Variants in ITPR3 observed in about 807,000 individuals in gnomAD.
The protein encoded by ITPR3 is inositol 1,4,5-trisphosphate receptor type 3.
In ITPR3, 173 loss-of-function variants were observed where a neutral mutation model predicts 293.2. The observed-to-expected ratio is 0.59, with a 90% confidence interval of 0.52 to 0.67. The LOEUF (loss-of-function observed/expected upper bound fraction) is 0.67. Among genes scored for constraint, ITPR3 ranks in the 30% least tolerant of loss-of-function variants. ITPR3 has a pLI of 0.00. For synonymous variants in ITPR3, 1,295 were observed against 1,444.4 expected (o/e 0.90, Z 2.35); for missense variants, 2,796 against 3,592.1 (o/e 0.78, Z 5.66).
chr6:33,621,478 G>A lies in ITPR3; in HGVS notation c.-125G>A, dbSNP rs1163672590. ...GCCGCCAGCCCGCCCCGGCCGCACC[G>A]AGCGTCGGGATCCGAGGTGGGAGCG... On this transcript the variant is annotated 5_prime_UTR_variant, in exon 1 of 58. Coordinates refer to ENST00000605930, the MANE Select transcript of ITPR3 (RefSeq NM_002224.4). The surrounding 1 kb of genome is among the most constrained non-coding windows in gnomAD (Gnocchi z 7.7). The A allele has an allele frequency of 8.2e-6, 5 of 612,712 alleles. No homozygotes were observed. Among genetic ancestry groups the A allele is most frequent in the Non-Finnish European group, 1.4e-5 (5 of 364,312 alleles). 38.0% of individuals were successfully genotyped at this position (612,712 alleles called of 1,614,324 possible).
intron 2 of ITPR3, among the ~76,000 whole-genome samples, chr6:33,642,491 T>C (rs1763973646): frequency 6.6e-6 from 1 of 151,866 alleles, no homozygotes; most frequent in Admixed American, 6.6e-5. Context: ...TGTCGAGGTG[T>C]GTGTGGGCAG....
chr6:33,686,944 G>A, intron 43 of ITPR3, 65 bp from the exon 44 acceptor site: 1 of 1,272,708 alleles, frequency 7.9e-7, no homozygotes, highest in Non-Finnish European at 1.1e-6. Context: ...GAGGAATGAG[G>A]GAGAAGTTGT....
chr6:33,641,250 T>C (rs991573145), intron 2 of ITPR3, among the ~76,000 whole-genome samples: 1 of 152,140 alleles, frequency 6.6e-6, no homozygotes, highest in Non-Finnish European at 1.5e-5. Flanking sequence ...TGCTTACCTG[T>C]GAGGGCTGAG....
rs781018853 is a variant in ITPR3, at chr6:33,685,807, A to G, written c.5647A>G (p.Asn1883Asp). 1.3e-6 allele frequency: 2 copies of G among 1,575,186 alleles called. No individual in the cohort carries two copies. Among genetic ancestry groups the G allele is most frequent in the Non-Finnish European group, 1.7e-6 (2 of 1,157,882 alleles). ...GCGCTTTCTGCAGCTGCTGTGTGAG[A>G]ACCACAACCGGGACCTGCAGGTGAG... ...ILRFLQLLCE[N>D]HNRDLQNFLR... Residue 1883 changes from asparagine (N) to aspartate (D), a missense_variant, in exon 41 of 58, where the codon AAC (asparagine) becomes GAC (aspartate). By Grantham distance (23) the Asn-to-Asp change is conservative (BLOSUM62 1). Coordinates refer to ENST00000605930, the MANE Select transcript of ITPR3 (RefSeq NM_002224.4).
Position 33,660,213 on chromosome 6 carries a change from G to T in ITPR3, c.711+664G>T, listed in dbSNP as rs191767826. ...TGGAACCAGCAGACGGGGTGTAGAC[G>T]GTCTTGAGGGAGGGCAGATCTGTAG... is the stretch of plus-strand genomic sequence containing the variant. On this transcript the variant is annotated intron_variant, in intron 7 of 57. Coordinates refer to ENST00000605930, the MANE Select transcript of ITPR3 (RefSeq NM_002224.4). Among the ~76,000 whole-genome samples the T allele has an allele frequency of 3.4e-3, 519 of 152,150 alleles. 2 individuals carry two copies. The highest frequency in any genetic ancestry group is 7.8e-3 in the African/African-American group (325 of 41,496).
chr6:33,677,200 A>C (rs946080971), intron 27 of ITPR3, 111 bp downstream of exon 27: 2 of 992,962 alleles, frequency 2.0e-6, no homozygotes, highest in Non-Finnish European at 3.1e-6. Context: ...GGCCCTCACA[A>C]GAGACATCTT....
intron 23 of ITPR3, 94 bp from the exon 24 acceptor site, chr6:33,674,114 G>A: frequency 1.4e-6 from 2 of 1,451,040 alleles, no homozygotes; most frequent in East Asian, 2.3e-5. Context: ...TGTGCAGCCA[G>A]TGCAGGGAAG....
intron 2 of ITPR3, among the ~76,000 whole-genome samples, chr6:33,645,454 G>T (rs894926707): frequency 2.0e-5 from 3 of 152,212 alleles, no homozygotes; most frequent in African/African-American, 7.2e-5. Flanking sequence ...ATTCCATTGG[G>T]CGATAAACTG....
At chr6:33,678,884 A>G in intron 30 of ITPR3, 45 bp downstream of exon 30, 1 of 1,568,586 alleles carries the variant, frequency 6.4e-7, no homozygotes, top group South Asian at 1.2e-5. Flanking sequence ...GGGGTGGGGG[A>G]CCGGAGCAGA....
At position 33,691,772 on chromosome 6, in the gene ITPR3, C is replaced by G; in HGVS notation, c.7331-29C>G. 2 of 1,606,480 alleles carry G rather than the reference C, an allele frequency of 1.2e-6. No homozygotes were observed. The highest frequency in any genetic ancestry group is 1.7e-6 in the Non-Finnish European group (2 of 1,177,016). ...GTGTGGGGTAGGAGGAGCAGGCAGC[C>G]CGGGCCTCAGCACACTCTCCGCTTG... On this transcript the variant is annotated intron_variant, in intron 53 of 57. Transcript: ENST00000605930. This position sits in a 1 kb window ranked among gnomAD's most constrained non-coding sequence, Gnocchi z 4.9.
intron 29 of ITPR3, 37 bp downstream of exon 29, chr6:33,678,580 G>C: frequency 7.7e-6 from 12 of 1,561,700 alleles, no homozygotes; most frequent in Non-Finnish European, 1.0e-5. Context: ...GGACGAGGCG[G>C]GGGATGGGGG....
Position 33,690,092 on chromosome 6 carries a change from G to C in ITPR3, c.6926G>C (p.Arg2309Pro), listed in dbSNP as rs750625409. Residue 2309 changes from arginine to proline, a missense_variant, in exon 51 of 58, where the codon CGG (arginine) becomes CCG (proline). Arg to Pro is a moderately radical substitution (Grantham distance 103, BLOSUM62 -2). Coordinates refer to ENST00000605930, the MANE Select transcript of ITPR3 (RefSeq NM_002224.4). ...SFVGNRGTFI[R>P]GYKAMVMDME... ...GTGGGCAACCGTGGCACCTTCATCC[G>C]GGGCTATAAGGCCATGGTCATGGAC... The C allele has an allele frequency of 6.2e-7, 1 of 1,614,152 alleles. No individual in the cohort carries two copies. Among genetic ancestry groups the C allele is most frequent in the Non-Finnish European group, 8.5e-7 (1 of 1,180,040 alleles).
chr6:33,691,581 G>A lies in ITPR3; in HGVS notation c.7226-34G>A, dbSNP rs1765390657. On this transcript the variant is annotated intron_variant, in intron 52 of 57. Coordinates refer to ENST00000605930, the MANE Select transcript of ITPR3 (RefSeq NM_002224.4). This position sits in a 1 kb window ranked among gnomAD's most constrained non-coding sequence, Gnocchi z 4.9. Reference sequence around the variant, plus strand: ...AGCCAGGGGATAAGGCCAGGCACTGGACCTCCTGATGATCTCATCCATATC... The same window carrying A: ...AGCCAGGGGATAAGGCCAGGCACTGAACCTCCTGATGATCTCATCCATATC... 3 of 1,573,566 alleles carry A rather than the reference G, an allele frequency of 1.9e-6. No individual in the cohort carries two copies. The East Asian group carries it at 6.7e-5, about 35-fold the overall frequency.
Position 33,667,815 on chromosome 6 carries a change from G to A in ITPR3, c.1737G>A (p.Gly579=). Residue 579 remains glycine, a synonymous_variant, in exon 16 of 58, where the codon GGG becomes GGA. Transcript: ENST00000605930. The surrounding 1 kb of genome is among the most constrained non-coding windows in gnomAD (Gnocchi z 4.4). ...AGGAGCACATTGCCAAGCAGTTTGG[G>A]ATGATGCAGTCCCAGATTGGCTACG... ...KNQEHIAKQF[G]MMQSQIGYDI... is the part of the protein sequence containing the mutation. 1.9e-6 allele frequency: 3 copies of A among 1,614,068 alleles called. No homozygotes were observed. The highest frequency in any genetic ancestry group is 2.5e-6 in the Non-Finnish European group (3 of 1,179,990).
intron 2 of ITPR3, among the ~76,000 whole-genome samples, chr6:33,650,249 C>T (rs573735533): frequency 1.8e-3 from 267 of 152,346 alleles, no homozygotes; most frequent in Non-Finnish European, 2.9e-3. Flanking sequence ...AGGAGCACAG[C>T]GCAGTAGAAG....
At chr6:33,686,585 C>A in intron 43 of ITPR3, 66 bp downstream of exon 43, 1 of 1,259,650 alleles carries the variant, frequency 7.9e-7, no homozygotes, top group African/African-American at 1.5e-5. Context: ...GTATGTGTGA[C>A]TTGTGTGTCA....
chr6:33,682,750 C>T lies in ITPR3; in HGVS notation c.4597+106C>T, dbSNP rs1338806590. On this transcript the variant is annotated intron_variant, in intron 34 of 57. Transcript: ENST00000605930. This position sits in a 1 kb window ranked among gnomAD's most constrained non-coding sequence, Gnocchi z 5.4. ...ACTTTATCCCTAAGCTCGCCCATCT[C>T]CTGCTCCCAGGTGGTTGTCAGTAAG... 5.0e-6 allele frequency: 7 copies of T among 1,398,198 alleles called. No homozygotes were observed. The highest frequency in any genetic ancestry group is 6.6e-6 in the Non-Finnish European group (7 of 1,061,168). 86.6% of individuals were successfully genotyped at this position (1,398,198 alleles called of 1,614,324 possible).
At chr6:33,678,097 T>C (rs1221103260) in intron 28 of ITPR3, among the ~76,000 whole-genome samples, 1 of 152,060 alleles carries the variant, frequency 6.6e-6, no homozygotes, top group Non-Finnish European at 1.5e-5. Flanking sequence ...CCACCCTGGC[T>C]CCTGACTCCA....
Position 33,663,489 on chromosome 6 carries a change from T to C in ITPR3, c.955-11T>C. On this transcript the variant is annotated splice_polypyrimidine_tract_variant and intron_variant, in intron 9 of 57. Coordinates refer to ENST00000605930, the MANE Select transcript of ITPR3 (RefSeq NM_002224.4). ...TCCAGTAGCTCCCCCACATCTTGTA[T>C]CTCTGTCCAGGAGAACCCCAGTTAC... The C allele has an allele frequency of 1.2e-6, 2 of 1,602,156 alleles. No individual in the cohort carries two copies. Among genetic ancestry groups the C allele is most frequent in the Non-Finnish European group, 1.7e-6 (2 of 1,173,698 alleles).
Sources: allele counts gnomAD v4.1 joint callset (sites outside exome capture counted in the v4.1 genomes callset), GRCh38; gene constraint gnomAD v4.1.1; non-coding constraint Gnocchi (gnomAD v3.1); transcripts MANE v1.5; gene names NCBI Gene and HGNC (gene_info 2026-07-23, HGNC 2026-07-21).